The following UNC79 variants were observed in gnomAD, a reference collection of about 807,000 sequenced individuals.
UNC79 encodes protein unc-79 homolog.
UNC79 carries 37 observed loss-of-function variants against 283.1 expected under a neutral mutation model. That is an observed-to-expected ratio of 0.13 (90% CI 0.10 to 0.17). UNC79 has a LOEUF of 0.17. UNC79 is among the 10% of genes least tolerant of loss of function. UNC79 has a pLI of 1.00. For missense variants in UNC79, 2,272 were observed against 3,211.1 expected (o/e 0.71, Z 7.07); for synonymous variants, 1,107 against 1,200.2 (o/e 0.92, Z 1.61).
chr14:93,517,471 GA>G (rs1270931870), intron 7 of UNC79, among the ~76,000 whole-genome samples: 1 of 80,994 alleles, frequency 1.2e-5, no homozygotes, highest in African/African-American at 3.9e-5. Context: ...GTTTTTCATA[GA>G]TTTTTTTTTT....
chr14:93,540,536 TAC>T, intron 12 of UNC79, 122 bp from the exon 13 acceptor site: 1 of 1,020,852 alleles, frequency 9.8e-7, no homozygotes, highest in Non-Finnish European at 1.4e-6. Flanking sequence ...AGTAACACAG[TAC>T]TCAATTTAAA....
intron 41 of UNC79, among the ~76,000 whole-genome samples, chr14:93,682,062 T>A (rs1440555865): frequency 7.2e-5 from 11 of 152,074 alleles, no homozygotes; most frequent in Non-Finnish European, 2.9e-5. Flanking sequence ...ACTGTTACAA[T>A]GGAAGTGTGT....
At chr14:93,451,194 C>T (rs1177846101) in intron 1 of UNC79, among the ~76,000 whole-genome samples, 1 of 151,586 alleles carries the variant, frequency 6.6e-6, no homozygotes, top group African/African-American at 2.4e-5. Context: ...TCCTTCTGGT[C>T]TTACAGTTAG....
At chr14:93,585,092 C>T (rs1374569056) in intron 20 of UNC79, among the ~76,000 whole-genome samples, 4 of 152,208 alleles carry the variant, frequency 2.6e-5, no homozygotes, top group Admixed American at 6.5e-5. Flanking sequence ...CATGCTCCTC[C>T]AGGCTCCTGT....
rs184494642 is a variant in UNC79 at position 93,648,696 on chromosome 14, G to A, written c.6083+2050G>A. Among the ~76,000 whole-genome samples the A allele has an allele frequency of 2.7e-5, 4 of 150,008 alleles. No homozygotes were observed. The East Asian group carries it at 8.0e-4, about 30-fold the overall frequency. The stretch of plus-strand genomic sequence containing the variant: ...TAGAGGAGGGGAGAATGAGGGGAGG[G>A]CTTCCCTTAAGAAGTGATGTTTAAA... On this transcript the variant is annotated intron_variant, in intron 35 of 48. Coordinates refer to ENST00000555664, the Ensembl canonical transcript of UNC79.
At chr14:93,620,415 T>C (rs2067045363) in intron 29 of UNC79, among the ~76,000 whole-genome samples, 1 of 152,200 alleles carries the variant, frequency 6.6e-6, no homozygotes, top group African/African-American at 2.4e-5. Context: ...GCTGTGTCTA[T>C]GCCAGTTACC....
intron 39 of UNC79, among the ~76,000 whole-genome samples, chr14:93,659,657 C>T (rs891219036): frequency 6.6e-5 from 10 of 152,180 alleles, no homozygotes; most frequent in African/African-American, 2.4e-4. Flanking sequence ...GCCCACCTTT[C>T]CAATTTAATC....
chr14:93,707,041 G>A (rs1454620863), downstream of UNC79: 11 of 995,956 alleles, frequency 1.1e-5, no homozygotes, highest in East Asian at 2.1e-4. Context: ...GATGTGCAAA[G>A]GCCAGAGAGG....
At chr14:93,347,438 C>T in intron 1 of UNC79, 2 of 1,413,478 alleles carry the variant, frequency 1.4e-6, no homozygotes, top group African/African-American at 1.5e-5. Flanking sequence ...AAGCGCGTGG[C>T]CCTGGCGGGG....
chr14:93,622,359 A>G, exon 30 of UNC79: 1 of 1,614,150 alleles, frequency 6.2e-7, no homozygotes, highest in Non-Finnish European at 8.5e-7. Flanking sequence ...TCAGCAGGGA[A>G]CACTGACTCT....
intron 3 of UNC79, among the ~76,000 whole-genome samples, chr14:93,475,927 G>A (rs191644116): frequency 5.3e-5 from 8 of 152,256 alleles, no homozygotes; most frequent in African/African-American, 1.9e-4. Context: ...TCGTGTTCTT[G>A]TTCTGCATGA....
intron 23 of UNC79, among the ~76,000 whole-genome samples, chr14:93,594,396 A>G (rs2064908552): frequency 6.6e-6 from 1 of 152,020 alleles, no homozygotes; most frequent in African/African-American, 2.4e-5. Flanking sequence ...CAGCCTCCCA[A>G]GTAGCTGGGG....
chr14:93,405,797 G>A (rs2055213639), intron 1 of UNC79, among the ~76,000 whole-genome samples: 2 of 152,214 alleles, frequency 1.3e-5, no homozygotes, highest in Admixed American at 6.5e-5. Context: ...GAAAGTAAAT[G>A]CACTTGTTAA....
At chr14:93,487,686 G>A in exon 5 of UNC79, 1 of 1,613,910 alleles carries the variant, frequency 6.2e-7, no homozygotes, top group South Asian at 1.1e-5. Flanking sequence ...GAGAGAAGGT[G>A]TACCTGCCCA....
chr14:93,690,782 C>CCACCGAGAT lies in UNC79; in HGVS notation c.7272+480_7272+481insACCGAGATC. The CCACCGAGAT allele has an allele frequency of 1.9e-5, 3 of 156,662 alleles. No homozygotes were observed. Among genetic ancestry groups the CCACCGAGAT allele is most frequent in the Admixed American group, 6.3e-5 (1 of 15,976 alleles). The allele number at this position is 156,662 out of a possible 1,614,324, so 9.7% of individuals were successfully genotyped here. Reference sequence around the variant, plus strand: ...CTCACTAAAGCACACATTGGCATGACCTACACAGGGGAACTTTGTAAATTG... The same window carrying CCACCGAGAT: ...CTCACTAAAGCACACATTGGCATGACCACCGAGATCTACACAGGGGAACTTTGTAAATTG... On this transcript the variant is annotated intron_variant, in intron 45 of 48. Transcript: ENST00000555664. This position sits in a 1 kb window ranked among gnomAD's most constrained non-coding sequence, Gnocchi z 4.3.
Position 93,621,117 on chromosome 14 carries a change from T to G in UNC79, c.4388-504T>G, listed in dbSNP as rs1476681946. The G allele has an allele frequency of 4.6e-6, 2 of 437,370 alleles. No homozygotes were observed. Among genetic ancestry groups the G allele is most frequent in the East Asian group, 1.1e-4 (2 of 17,646 alleles). The allele number at this position is 437,370 out of a possible 1,614,324, so 27.1% of individuals were successfully genotyped here. ...GTTTGTTTGGGGTGAAATCTTAATT[T>G]TATTATGTTACTACACATTTTAATA... On this transcript the variant is annotated intron_variant, in intron 29 of 48. Transcript: ENST00000555664. This position sits in a 1 kb window ranked among gnomAD's most constrained non-coding sequence, Gnocchi z 4.8.
chr14:93,483,320 A>T (rs557753624), intron 4 of UNC79, among the ~76,000 whole-genome samples: 1 of 152,176 alleles, frequency 6.6e-6, no homozygotes, highest in African/African-American at 2.4e-5. Flanking sequence ...AACATTAAAA[A>T]TTTTGTGCTG....
chr14:93,340,974 T>G (rs1332970487), intron 1 of UNC79, among the ~76,000 whole-genome samples: 1 of 152,198 alleles, frequency 6.6e-6, no homozygotes, highest in Non-Finnish European at 1.5e-5. Flanking sequence ...AACCTCCATA[T>G]CCACATTCTA....
At chr14:93,704,720 A>G in intron 48 of UNC79, 54 bp downstream of exon 51, 1 of 1,590,718 alleles carries the variant, frequency 6.3e-7, no homozygotes, top group East Asian at 2.2e-5. Context: ...AGAACGTATA[A>G]CGTTCCTAGG....
Sources: allele counts gnomAD v4.1 joint callset (sites outside exome capture counted in the v4.1 genomes callset), GRCh38; gene constraint gnomAD v4.1.1; non-coding constraint Gnocchi (gnomAD v3.1); transcripts MANE v1.5; gene names NCBI Gene and HGNC (gene_info 2026-07-23, HGNC 2026-07-21).